Variants in ANKHD1 observed in about 807,000 individuals in gnomAD.
The protein encoded by ANKHD1 is ankyrin repeat and KH domain-containing protein 1.
ANKHD1 carries 31 observed loss-of-function variants against 230.5 expected under a neutral mutation model. The observed-to-expected ratio is 0.13, with a 90% CI of 0.10 to 0.18. ANKHD1 has a LOEUF of 0.18. Ranked by LOEUF, ANKHD1 falls within the 10% of genes least tolerant of loss-of-function variation. The pLI, the probability that ANKHD1 is intolerant of heterozygous loss-of-function variation, is 1.00. For missense variants in ANKHD1, 2,256 were observed against 3,071.3 expected (o/e 0.73, Z 6.27); for synonymous variants, 1,074 against 1,117.6 (o/e 0.96, Z 0.78).
Position 140,505,133 on chromosome 5 carries a change from T to C in ANKHD1, c.3162T>C (p.Asn1054=), listed in dbSNP as rs760923186. ...TTTTCTTCTCCTAGACTGAGAGCAA[T>C]CATGACACAGCATTAACACTAGCTT... ...SVDIDAHTES[N]HDTALTLACA... Residue 1054 remains asparagine, a synonymous_variant, in exon 17 of 34, where the codon AAT becomes AAC. Coordinates refer to ENST00000360839, the MANE Select transcript of ANKHD1 (RefSeq NM_017747.3). 1 of 1,614,000 alleles carries C rather than the reference T, an allele frequency of 6.2e-7. No individual in the cohort carries two copies. Among genetic ancestry groups the C allele is most frequent in the Non-Finnish European group, 8.5e-7 (1 of 1,179,990 alleles).
rs776637630 is a variant in ANKHD1, at chr5:140,438,582, A to G, written c.582A>G (p.Lys194=). ...CTGCTGCTGCACTGACACGGATGAA[A>G]GCAGAAAACAGCCACAATGCAGGAC... The part of the protein sequence containing the change: ...DEAAAALTRM[K]AENSHNAGQV... Residue 194 remains lysine (K), a synonymous_variant, in exon 3 of 34, where the codon AAA becomes AAG. Transcript: ENST00000360839. 1.4e-5 allele frequency: 22 copies of G among 1,610,364 alleles called. No homozygotes were observed. The highest frequency in any genetic ancestry group is 3.3e-4 in the Middle Eastern group (2 of 6,070).
At chr5:140,499,405 CATATT>C (rs1752177098) in intron 15 of ANKHD1, among the ~76,000 whole-genome samples, 1 of 152,012 alleles carries the variant, frequency 6.6e-6, no homozygotes, top group African/African-American at 2.4e-5. Context: ...TCTTACCACT[CATATT>C]AGTAAAGAAT....
intron 1 of ANKHD1, among the ~76,000 whole-genome samples, chr5:140,422,486 C>T (rs1451534331): frequency 1.3e-5 from 2 of 152,064 alleles, no homozygotes. Flanking sequence ...AAGCTTTGTG[C>T]TAGACTTTGG....
At chr5:140,481,171 T>C (rs1453438967) in intron 10 of ANKHD1, among the ~76,000 whole-genome samples, 2 of 152,088 alleles carry the variant, frequency 1.3e-5, no homozygotes, top group Non-Finnish European at 2.9e-5. Flanking sequence ...ATGTAGTTGA[T>C]TGTAATGATA....
Position 140,496,523 on chromosome 5 carries a change from C to T in ANKHD1, c.2249C>T (p.Thr750Ile). Residue 750 changes from threonine to isoleucine, a missense_variant, in exon 15 of 34, where the codon ACA (threonine) becomes ATA (isoleucine). By Grantham distance (89) the Thr-to-Ile change is moderately conservative. Coordinates refer to ENST00000360839, the MANE Select transcript of ANKHD1 (RefSeq NM_017747.3). ...CAAACATTTTTCATGTGCTTAGGTA[C>T]ATCCAAGCAGAAGTCCAGTTCCCTC... ...SPALLGVQKGTSKQKSSSLQV... is the reference protein window; with the variant it reads ...SPALLGVQKGISKQKSSSLQV... 4 of 1,327,552 alleles carry T rather than the reference C, an allele frequency of 3.0e-6. No homozygotes were observed. Among genetic ancestry groups the T allele is most frequent in the Non-Finnish European group, 3.9e-6 (4 of 1,013,618 alleles). The allele number at this position is 1,327,552 out of a possible 1,614,324, so 82.2% of individuals were successfully genotyped here. A position where few individuals can be genotyped will look rare whatever the true frequency, so the allele number is the denominator to read the frequency against.
In ANKHD1 at chr5:140,539,033, C is replaced by G; in HGVS notation, c.7519C>G (p.Pro2507Ala). The G allele has an allele frequency of 6.2e-7, 1 of 1,612,726 alleles. No homozygotes were observed. The highest frequency in any genetic ancestry group is 8.5e-7 in the Non-Finnish European group (1 of 1,179,496). The change falls in exon 33 of 34, where the codon CCT becomes GCT. Residue 2507 changes from proline to alanine, a missense_variant. By Grantham distance (27) the Pro-to-Ala change is conservative. Around this residue, in one of 13 missense-constraint regions of ANKHD1, gnomAD observed 778 missense variants for 966.5 expected, o/e 0.80. Coordinates refer to ENST00000360839, the MANE Select transcript of ANKHD1 (RefSeq NM_017747.3). ...TCACAATCCAGATCCTGCTTGGAAC[C>G]CTATGATAAAAGTTATCCAAAATTC... ...GLHNPDPAWN[P>A]MIKVIQNSTE... is the part of the protein sequence containing the mutation.
At chr5:140,407,599 A>G (rs1043434646) in intron 1 of ANKHD1, among the ~76,000 whole-genome samples, 28 of 151,998 alleles carry the variant, frequency 1.8e-4, no homozygotes, top group Admixed American at 1.4e-3. Context: ...AATGTTGCCC[A>G]GGCTAGTCTT....
intron 15 of ANKHD1, among the ~76,000 whole-genome samples, chr5:140,500,059 G>C (rs1045673678): frequency 1.6e-4 from 24 of 151,946 alleles, no homozygotes; most frequent in African/African-American, 5.8e-4. Flanking sequence ...AGTAGAGATG[G>C]GGTTTTACCA....
intron 10 of ANKHD1, among the ~76,000 whole-genome samples, chr5:140,481,969 C>T (rs1339180958): frequency 6.6e-6 from 1 of 152,008 alleles, no homozygotes; most frequent in East Asian, 1.9e-4. Context: ...TGGTTAAAAA[C>T]TGTTTTATCA....
chr5:140,487,574 C>T (rs1751567803), intron 14 of ANKHD1, among the ~76,000 whole-genome samples: 1 of 152,116 alleles, frequency 6.6e-6, no homozygotes, highest in African/African-American at 2.4e-5. Flanking sequence ...AAAATGTGTA[C>T]AAGTAATATC....
In ANKHD1 at chr5:140,522,537, A is replaced by G. The variant is rs980882164; in HGVS notation, c.4318-1529A>G. On this transcript the variant is annotated intron_variant, in intron 24 of 33. Transcript: ENST00000360839. ...TCATACTTTTTCTCTTTAATTATCA[A>G]CAAAATATTTTCATGTTAAGCTATC... 2.6e-5 allele frequency among the ~76,000 whole-genome samples: 4 copies of G among 152,228 alleles called. No individual in the cohort carries two copies. In the East Asian group the frequency reaches 7.7e-4, roughly 29 times the overall value.
chr5:140,452,292 G>A (rs1774811275), intron 7 of ANKHD1, among the ~76,000 whole-genome samples: 1 of 152,300 alleles, frequency 6.6e-6, no homozygotes, highest in East Asian at 1.9e-4. Context: ...CCACCTCTGG[G>A]GGCAGGGCAT....
intron 15 of ANKHD1, 151 bp from the exon 16 acceptor site, chr5:140,504,670 T>A (rs1454517674): frequency 1.5e-5 from 15 of 1,020,712 alleles, no homozygotes; most frequent in Non-Finnish European, 2.0e-5. Flanking sequence ...TTGGAACTAA[T>A]ATTTAAATGT....
rs377535904 is a variant in ANKHD1, at chr5:140,491,092, G to GTATA, written c.2245+4045_2245+4048dup. On this transcript the variant is annotated intron_variant, in intron 14 of 33. Coordinates refer to ENST00000360839, the MANE Select transcript of ANKHD1 (RefSeq NM_017747.3). Reference sequence around the variant, plus strand: ...TATGTATGTATATATGTGTGTGTGTGTATATATATATATATACACACACAC... The same window carrying GTATA: ...TATGTATGTATATATGTGTGTGTGTGTATATATATATATATATATACACACACAC... 3.0e-3 allele frequency among the ~76,000 whole-genome samples: 311 copies of GTATA among 102,182 alleles called. 2 individuals are homozygous for GTATA. Among genetic ancestry groups the GTATA allele is most frequent in the African/African-American group, 0.012 (290 of 24,598 alleles). 67.0% of individuals were successfully genotyped at this position (102,182 alleles called of 152,430 possible).
At chr5:140,413,767 T>C (rs1322219892) in intron 1 of ANKHD1, among the ~76,000 whole-genome samples, 1 of 152,040 alleles carries the variant, frequency 6.6e-6, no homozygotes, top group Non-Finnish European at 1.5e-5. Flanking sequence ...ATCTGTTCAT[T>C]TGGGTTTTTT....
At chr5:140,458,405 A>G (rs1044772855) in intron 7 of ANKHD1, among the ~76,000 whole-genome samples, 11 of 152,162 alleles carry the variant, frequency 7.2e-5, no homozygotes, top group African/African-American at 2.4e-4. Flanking sequence ...GGCTTGCTCA[A>G]AAGTTGGTTA....
At chr5:140,416,875 G>A (rs1412050764) in intron 1 of ANKHD1, among the ~76,000 whole-genome samples, 1 of 148,902 alleles carries the variant, frequency 6.7e-6, no homozygotes, top group Admixed American at 6.7e-5. Flanking sequence ...TTTAATTTCT[G>A]CAAAAAGTGC....
intron 7 of ANKHD1, among the ~76,000 whole-genome samples, chr5:140,454,307 CAGAA>C (rs1774990461): frequency 6.6e-6 from 1 of 152,136 alleles, no homozygotes; most frequent in Non-Finnish European, 1.5e-5. Context: ...ATCAACAAGA[CAGAA>C]AGTTAACAAG....
chr5:140,524,217 A>G lies in ANKHD1; in HGVS notation c.4469A>G (p.Asp1490Gly). The change falls in exon 25 of 34, where the codon GAT (aspartate) becomes GGT (glycine). Residue 1490 changes from aspartate (D) to glycine (G), a missense_variant. By Grantham distance (94) the Asp-to-Gly change is moderately conservative. Coordinates refer to ENST00000360839, the MANE Select transcript of ANKHD1 (RefSeq NM_017747.3). Reference sequence around the variant, plus strand: ...AATTCGGAACTACCAGAGGATGAAGATGAAGAGGAGAATGATGAAGATGGT... The same window carrying G: ...AATTCGGAACTACCAGAGGATGAAGGTGAAGAGGAGAATGATGAAGATGGT... ...KENSELPEDE[D>G]EEENDEDVEQ... 1 of 1,582,936 alleles carries G rather than the reference A, an allele frequency of 6.3e-7. No homozygotes were observed. Among genetic ancestry groups the G allele is most frequent in the Non-Finnish European group, 8.5e-7 (1 of 1,172,332 alleles).
Sources: allele counts gnomAD v4.1 joint callset (sites outside exome capture counted in the v4.1 genomes callset), GRCh38; gene constraint gnomAD v4.1.1; regional missense constraint gnomAD v4.1.1; transcripts MANE v1.5; gene names NCBI Gene and HGNC (gene_info 2026-07-23, HGNC 2026-07-21).